Variants in ATL2 observed in about 807,000 individuals in gnomAD.
The protein encoded by ATL2 is atlastin GTPase 2.
A neutral mutation model predicts 73.9 loss-of-function variants in ATL2; 31 were observed. The observed-to-expected ratio is 0.42, with a 90% CI of 0.32 to 0.57. ATL2 has a LOEUF of 0.57. ATL2 is among the 20% of genes least tolerant of loss of function. The probability of loss-of-function intolerance (pLI) is 0.14; values close to 1 mark genes in which losing one functional copy is unlikely to be tolerated. For synonymous variants in ATL2, 291 were observed against 237.5 expected, an observed-to-expected ratio of 1.23 and a Z score of -2.07; for missense variants, 738 against 702.6, an observed-to-expected ratio of 1.05 and a Z score of -0.57.
At chr2:38,316,449 A>G (rs370955405) in intron 4 of ATL2, among the ~76,000 whole-genome samples, 1 of 152,182 alleles carries the variant, frequency 6.6e-6, no homozygotes, top group African/African-American at 2.4e-5. Context: ...TACTTAGCAT[A>G]CTGTCTTGTA....
chr2:38,328,411 G>C (rs192559493), intron 2 of ATL2, among the ~76,000 whole-genome samples: 121 of 152,278 alleles, frequency 7.9e-4, no homozygotes, highest in Non-Finnish European at 2.8e-4. Context: ...CACCAAGGTA[G>C]ACCATATCCT....
At chr2:38,374,996 G>A (rs894187648) in intron 1 of ATL2, among the ~76,000 whole-genome samples, 21 of 152,090 alleles carry the variant, frequency 1.4e-4, no homozygotes, top group Non-Finnish European at 3.1e-4. Flanking sequence ...TAATTTCGAA[G>A]AATTTCAAAA....
chr2:38,302,011 C>T (rs888110548), intron 9 of ATL2, among the ~76,000 whole-genome samples: 2 of 152,166 alleles, frequency 1.3e-5, no homozygotes, highest in Non-Finnish European at 2.9e-5. Context: ...AAGTAGAATG[C>T]GGCATAAGGC....
At chr2:38,312,640 C>A (rs554975229) in intron 7 of ATL2, among the ~76,000 whole-genome samples, 1 of 147,218 alleles carries the variant, frequency 6.8e-6, no homozygotes, top group Non-Finnish European at 1.5e-5. Flanking sequence ...ACCCGGGAAG[C>A]GGAGGTTGCA....
rs113513904 is a variant in ATL2 at position 38,370,760 on chromosome 2, G to A, written c.118+6383C>T. 9.4e-3 allele frequency among the ~76,000 whole-genome samples: 1,425 copies of A among 151,266 alleles called. 25 individuals carry two copies. The highest frequency in any genetic ancestry group is 0.033 in the African/African-American group (1,348 of 41,172). ...CAGCCTGAGTGACAGAGCAAGACTC[G>A]ATCTCAAAACGAAACAAAACAAAAC... On this transcript the variant is annotated intron_variant, in intron 1 of 12. Transcript: ENST00000378954.
chr2:38,309,154 GA>G (rs1667608615), intron 9 of ATL2, among the ~76,000 whole-genome samples: 1 of 152,120 alleles, frequency 6.6e-6, no homozygotes, highest in Non-Finnish European at 1.5e-5. Flanking sequence ...GAAAAAGTAA[GA>G]TAATTCTGTA....
At chr2:38,333,853 T>C (rs1669143411) in intron 2 of ATL2, among the ~76,000 whole-genome samples, 1 of 152,172 alleles carries the variant, frequency 6.6e-6, no homozygotes, top group Non-Finnish European at 1.5e-5. Context: ...TTATTTCTGA[T>C]TCCTCTAGCT....
At chr2:38,341,330 G>T (rs773000985) in intron 2 of ATL2, among the ~76,000 whole-genome samples, 1 of 152,034 alleles carries the variant, frequency 6.6e-6, no homozygotes, top group Non-Finnish European at 1.5e-5. Flanking sequence ...TAAAATTCTA[G>T]ATCAAGTCTA....
chr2:38,300,294 G>A lies in ATL2; in HGVS notation c.1106C>T (p.Pro369Leu). 1 of 1,607,200 alleles carries A rather than the reference G, an allele frequency of 6.2e-7. No homozygotes were observed. The highest frequency in any genetic ancestry group is 8.5e-7 in the Non-Finnish European group (1 of 1,174,258). Residue 369 changes from proline to leucine, a missense_variant, in exon 10 of 13, where the codon CCA (proline) becomes CTA (leucine). By Grantham distance (98) the Pro-to-Leu change is moderately conservative (BLOSUM62 -3). Coordinates refer to ENST00000378954, the MANE Select transcript of ATL2 (RefSeq NM_001135673.4). ...YIKIYQGEEL[P>L]HPKSMLQATA... ...TACCTGAAGCATGGACTTTGGATGTGGAAGTTCTTCTCCTTGATAGATTTT... is the reference window on the plus strand; with the variant it reads ...TACCTGAAGCATGGACTTTGGATGTAGAAGTTCTTCTCCTTGATAGATTTT...
chr2:38,372,663 T>C (rs1671754640), intron 1 of ATL2, among the ~76,000 whole-genome samples: 1 of 152,210 alleles, frequency 6.6e-6, no homozygotes. Flanking sequence ...CTAAGAAGCA[T>C]GAATGATCAC....
chr2:38,299,146 C>A lies in ATL2; in HGVS notation c.1200+110G>T, dbSNP rs557771894. The A allele has an allele frequency of 1.8e-5, 18 of 1,014,234 alleles. No homozygotes were observed. In the African/African-American group the frequency reaches 2.9e-4, roughly 16 times the overall value. 62.8% of individuals were successfully genotyped at this position (1,014,234 alleles called of 1,614,324 possible). The stretch of plus-strand genomic sequence containing the variant: ...TAAAGGGGAATTAGGGAATAATGTA[C>A]CATAAGCTGCACAAATTCGCTCAAT... On this transcript the variant is annotated intron_variant, in intron 11 of 12. Coordinates refer to ENST00000378954, the MANE Select transcript of ATL2 (RefSeq NM_001135673.4).
intron 2 of ATL2, among the ~76,000 whole-genome samples, chr2:38,319,293 T>A (rs555911540): frequency 1.3e-5 from 2 of 152,074 alleles, no homozygotes; most frequent in Non-Finnish European, 2.9e-5. Context: ...ATACTCACTT[T>A]CCCCCTTTTC....
chr2:38,327,540 CAA>C lies in ATL2; in HGVS notation c.364-8523_364-8522del, dbSNP rs56332855. On this transcript the variant is annotated intron_variant, in intron 2 of 12. Coordinates refer to ENST00000378954, the MANE Select transcript of ATL2 (RefSeq NM_001135673.4). ...AGGGGAATATAAAAAAAAAAAAGTACAAAAAAAAAAAAAAAACACCAGAAAAC... is the reference window on the plus strand; with the variant it reads ...AGGGGAATATAAAAAAAAAAAAGTACAAAAAAAAAAAAAACACCAGAAAAC... Among the ~76,000 whole-genome samples the C allele has an allele frequency of 7.2e-3, 651 of 89,946 alleles. 7 individuals are homozygous for C. Among genetic ancestry groups the C allele is most frequent in the African/African-American group, 0.012 (327 of 27,048 alleles). 59.0% of individuals were successfully genotyped at this position (89,946 alleles called of 152,430 possible).
In ATL2 at chr2:38,310,351, G is replaced by T; in HGVS notation, c.901C>A (p.Leu301Ile). Residue 301 changes from leucine (L) to isoleucine (I), a missense_variant, in exon 8 of 13, where the codon CTT becomes ATT. Transcript: ENST00000378954. ...LGCFLLPHPGLKVATNPSFDG... is the reference protein window; with the variant it reads ...LGCFLLPHPGIKVATNPSFDG... ...AAACTAGGATTAGTTGCAACTTTAA[G>T]ACCAGGATGTGGCAAAAGGAAGCAA... is the stretch of plus-strand genomic sequence containing the variant. 6.2e-7 allele frequency: 1 copy of T among 1,612,632 alleles called. No individual in the cohort carries two copies. Among genetic ancestry groups the T allele is most frequent in the Non-Finnish European group, 8.5e-7 (1 of 1,179,438 alleles).
chr2:38,372,936 T>C (rs1369275177), intron 1 of ATL2, among the ~76,000 whole-genome samples: 2 of 152,166 alleles, frequency 1.3e-5, no homozygotes, highest in Non-Finnish European at 2.9e-5. Context: ...AGGAAAAAAT[T>C]ATAACTTTTT....
At chr2:38,319,426 C>G (rs566002978) in intron 2 of ATL2, among the ~76,000 whole-genome samples, 1 of 152,026 alleles carries the variant, frequency 6.6e-6, no homozygotes, top group Admixed American at 6.6e-5. Context: ...TGGCAAAACG[C>G]CATCTTTACA....
intron 1 of ATL2, among the ~76,000 whole-genome samples, chr2:38,355,396 G>A (rs975666682): frequency 6.6e-6 from 1 of 151,740 alleles, no homozygotes; most frequent in African/African-American, 2.4e-5. Flanking sequence ...GATTACAGGC[G>A]TGAGCCACTG....
chr2:38,369,644 C>G (rs1051019542), intron 1 of ATL2, among the ~76,000 whole-genome samples: 3 of 151,532 alleles, frequency 2.0e-5, no homozygotes, highest in African/African-American at 7.3e-5. Flanking sequence ...CCCAGCTACT[C>G]AGGAGACTAA....
intron 1 of ATL2, among the ~76,000 whole-genome samples, chr2:38,357,640 A>G (rs1425291751): frequency 7.6e-6 from 1 of 131,548 alleles, no homozygotes. Flanking sequence ...TGACAGAGCA[A>G]GACTCCGTCT....
Sources: allele counts gnomAD v4.1 joint callset (sites outside exome capture counted in the v4.1 genomes callset), GRCh38; gene constraint gnomAD v4.1.1; transcripts MANE v1.5; gene names NCBI Gene and HGNC (gene_info 2026-07-23, HGNC 2026-07-21).